The following DGKB variants were observed in gnomAD, a reference collection of about 807,000 sequenced individuals.
DGKB encodes diacylglycerol kinase beta.
A neutral mutation model predicts 114.3 loss-of-function variants in DGKB; 67 were observed. The observed-to-expected ratio is 0.59, with a 90% CI of 0.48 to 0.72. DGKB has a LOEUF of 0.72. Among genes scored for constraint, DGKB ranks in the 30% least tolerant of loss-of-function variants. The pLI is 0.00. For missense variants in DGKB, 907 were observed against 975.2 expected (o/e 0.93, Z 0.93); for synonymous variants, 398 against 323.1 (o/e 1.23, Z -2.49).
chr7:14,964,683 T>C (rs1787051586), intron 1 of DGKB, among the ~76,000 whole-genome samples: 1 of 152,040 alleles, frequency 6.6e-6, no homozygotes, highest in Non-Finnish European at 1.5e-5. Context: ...AGTGAGAAGA[T>C]CAAGCTCTCA....
chr7:14,169,364 C>CA (rs35418998), intron 25 of DGKB, among the ~76,000 whole-genome samples: 8,657 of 64,630 alleles, frequency 0.13, 552 homozygotes, highest in East Asian at 0.27. Flanking sequence ...GACTCCGTCT[C>CA]AAAAAAAAAA....
upstream of DGKB, among the ~76,000 whole-genome samples, chr7:14,907,550 T>C (rs1197669301): frequency 6.6e-6 from 1 of 152,236 alleles, no homozygotes; most frequent in Non-Finnish European, 1.5e-5. Context: ...CATGTATACG[T>C]GCATGAACAC....
intron 2 of DGKB, among the ~76,000 whole-genome samples, chr7:14,786,026 T>G (rs1284349721): frequency 6.6e-6 from 1 of 152,090 alleles, no homozygotes; most frequent in Non-Finnish European, 1.5e-5. Flanking sequence ...TTTTTGAAAG[T>G]CATCCATCTT....
At chr7:14,745,525 T>A (rs1833154886) in intron 4 of DGKB, among the ~76,000 whole-genome samples, 1 of 152,178 alleles carries the variant, frequency 6.6e-6, no homozygotes, top group Non-Finnish European at 1.5e-5. Flanking sequence ...TGCCTAAGCA[T>A]GGTCACAGAG....
At chr7:14,396,530 A>G (rs1349098691) in intron 21 of DGKB, among the ~76,000 whole-genome samples, 1 of 152,154 alleles carries the variant, frequency 6.6e-6, no homozygotes, top group African/African-American at 2.4e-5. Context: ...TCAAAGCTGA[A>G]AACTCCACAT....
chr7:14,303,462 C>A (rs941311401), intron 23 of DGKB, among the ~76,000 whole-genome samples: 1 of 152,036 alleles, frequency 6.6e-6, no homozygotes, highest in Non-Finnish European at 1.5e-5. Context: ...CCTTTTGATA[C>A]TGTATCTCTT....
intron 23 of DGKB, among the ~76,000 whole-genome samples, chr7:14,275,248 G>A (rs149986379): frequency 6.6e-6 from 1 of 152,212 alleles, no homozygotes; most frequent in African/African-American, 2.4e-5. Context: ...TCTTAAGGCA[G>A]TTACCATATT....
chr7:14,810,054 C>T (rs1339192653), intron 2 of DGKB, among the ~76,000 whole-genome samples: 2 of 152,158 alleles, frequency 1.3e-5, no homozygotes, highest in Non-Finnish European at 2.9e-5. Context: ...TCAGATTCTT[C>T]ATTTAGTCCT....
intron 21 of DGKB, among the ~76,000 whole-genome samples, chr7:14,441,784 T>G (rs553073552): frequency 5.9e-5 from 9 of 152,092 alleles, no homozygotes; most frequent in Non-Finnish European, 1.0e-4. Context: ...TCTTATCAAC[T>G]GCCTTTATTT....
intron 20 of DGKB, among the ~76,000 whole-genome samples, chr7:14,569,128 G>T (rs1798009032): frequency 6.6e-6 from 1 of 152,192 alleles, no homozygotes; most frequent in African/African-American, 2.4e-5. Context: ...AGATGACTTT[G>T]TTGAATGACA....
intron 4 of DGKB, among the ~76,000 whole-genome samples, chr7:14,740,092 C>T (rs898083759): frequency 6.6e-6 from 1 of 152,250 alleles, no homozygotes; most frequent in Admixed American, 6.5e-5. Context: ...AGACAGCTGG[C>T]CAGCGTTCCC....
Position 14,147,095 on chromosome 7 carries a change from ATATT to A in DGKB, c.*2032_*2035del, listed in dbSNP as rs1323765247. The A allele has an allele frequency of 3.9e-5, 6 of 152,168 alleles. No individual in the cohort carries two copies. The highest frequency in any genetic ancestry group is 1.2e-4 in the African/African-American group (5 of 41,452). 9.4% of individuals were successfully genotyped at this position (152,168 alleles called of 1,614,324 possible). A position where few individuals can be genotyped will look rare whatever the true frequency, so the allele number is the denominator to read the frequency against. ...GAAAATTTTGTCAATTCATGTGAAAATATTTATTACCTGCAACCATAGATACAAA... is the reference window on the plus strand; with the variant it reads ...GAAAATTTTGTCAATTCATGTGAAAATATTACCTGCAACCATAGATACAAA... On this transcript the variant is annotated 3_prime_UTR_variant, in exon 26 of 26. Transcript: ENST00000402815.
chr7:14,766,063 A>T (rs1017403332), intron 2 of DGKB, among the ~76,000 whole-genome samples: 1 of 151,994 alleles, frequency 6.6e-6, no homozygotes, highest in Non-Finnish European at 1.5e-5. Flanking sequence ...CTTTAGAAAC[A>T]ATAAATAGGT....
At chr7:14,221,771 G>T (rs1790015540) in intron 23 of DGKB, among the ~76,000 whole-genome samples, 1 of 150,984 alleles carries the variant, frequency 6.6e-6, no homozygotes, top group Admixed American at 6.6e-5. Flanking sequence ...GGTAGAATTT[G>T]CCAGTGAAGC....
intron 2 of DGKB, among the ~76,000 whole-genome samples, chr7:14,810,298 T>C (rs754086509): frequency 2.6e-5 from 4 of 152,164 alleles, no homozygotes; most frequent in African/African-American, 2.4e-5. Context: ...TAGTCACTCA[T>C]GGCAATTAAT....
intron 25 of DGKB, among the ~76,000 whole-genome samples, chr7:14,171,204 G>T (rs1780941703): frequency 6.6e-6 from 1 of 152,050 alleles, no homozygotes; most frequent in Non-Finnish European, 1.5e-5. Flanking sequence ...GCAAAGAGGG[G>T]TTAAAACATA....
At chr7:14,694,960 T>C (rs1002532054) in intron 8 of DGKB, among the ~76,000 whole-genome samples, 2 of 152,178 alleles carry the variant, frequency 1.3e-5, no homozygotes, top group East Asian at 3.9e-4. Context: ...TCCCATCTAA[T>C]GGCGTCAAGA....
At chr7:14,203,423 G>A (rs1786226457) in intron 23 of DGKB, among the ~76,000 whole-genome samples, 1 of 151,842 alleles carries the variant, frequency 6.6e-6, no homozygotes, top group Admixed American at 6.6e-5. Flanking sequence ...ATATTCCAAA[G>A]CAGCAATGAT....
At chr7:14,432,886 T>A (rs1938463040) in intron 21 of DGKB, among the ~76,000 whole-genome samples, 1 of 152,114 alleles carries the variant, frequency 6.6e-6, no homozygotes, top group Admixed American at 6.5e-5. Flanking sequence ...GCTCCAAAGG[T>A]ATCACCTGGG....
Sources: allele counts gnomAD v4.1 joint callset (sites outside exome capture counted in the v4.1 genomes callset), GRCh38; gene constraint gnomAD v4.1.1; transcripts MANE v1.5; gene names NCBI Gene and HGNC (gene_info 2026-07-23, HGNC 2026-07-21).